The following BLTP3B variants were observed in gnomAD, a reference collection of about 807,000 sequenced individuals.
BLTP3B encodes bridge-like lipid transfer protein family member 3B, also known as UHRF1 (ICBP90) binding protein 1-like.
At chr12:100,056,270 C>T in the BLTP3B span, among the ~76,000 whole-genome samples, 8 of 152,160 alleles carry the variant, frequency 5.3e-5, no homozygotes, top group South Asian at 2.1e-4. Flanking sequence ...CAAAATGCAA[C>T]GCTTACAATT....
the BLTP3B span, among the ~76,000 whole-genome samples, chr12:100,111,383 G>A: frequency 1.5e-5 from 2 of 136,320 alleles, no homozygotes; most frequent in Non-Finnish European, 1.5e-5. Context: ...AACCACGACC[G>A]CCTGGACTCA....
chr12:100,124,490 A>C, the BLTP3B span, among the ~76,000 whole-genome samples: 10 of 151,386 alleles, frequency 6.6e-5, no homozygotes, highest in Non-Finnish European at 1.3e-4. Flanking sequence ...CACGCCTGTG[A>C]TCCCAGCACT....
chr12:100,066,717 T>C, the BLTP3B span, among the ~76,000 whole-genome samples: 2 of 150,520 alleles, frequency 1.3e-5, no homozygotes, highest in Non-Finnish European at 2.9e-5. Context: ...AGCAGGAGAA[T>C]GGCGTGAACC....
chr12:100,044,128 T>C, the BLTP3B span, among the ~76,000 whole-genome samples: 41 of 152,294 alleles, frequency 2.7e-4, no homozygotes, highest in Admixed American at 5.2e-4. Flanking sequence ...CCTGAATTTT[T>C]GGGAGCTAAC....
At chr12:100,050,462 G>A in the BLTP3B span, 118 of 651,146 alleles carry the variant, frequency 1.8e-4, no homozygotes, top group African/African-American at 8.7e-4. Context: ...TACAGAACAC[G>A]GTTGTTACAT....
chr12:100,052,199 C>T, the BLTP3B span, among the ~76,000 whole-genome samples: 1 of 151,916 alleles, frequency 6.6e-6, no homozygotes, highest in African/African-American at 2.4e-5. Flanking sequence ...CACGCCACCA[C>T]GCCTGGCTAA....
chr12:100,128,835 A>C, the BLTP3B span: 8 of 975,522 alleles, frequency 8.2e-6, no homozygotes, highest in Non-Finnish European at 8.9e-6. Flanking sequence ...TGGAAAAAAA[A>C]AACAGTTGCA....
chr12:100,058,011 C>T, the BLTP3B span: 1 of 1,539,554 alleles, frequency 6.5e-7, no homozygotes, highest in South Asian at 1.3e-5. Context: ...TTTAAAAAGG[C>T]CAATAAAATG....
At chr12:100,140,722 AAAAAAAAAT>A in the BLTP3B span, among the ~76,000 whole-genome samples, 1 of 114,852 alleles carries the variant, frequency 8.7e-6, no homozygotes, top group Non-Finnish European at 1.8e-5. Flanking sequence ...AAAAAAAAAA[AAAAAAAAAT>A]ATATATATAT....
chr12:100,054,292 C>T, the BLTP3B span, among the ~76,000 whole-genome samples: 1 of 152,012 alleles, frequency 6.6e-6, no homozygotes, highest in Non-Finnish European at 1.5e-5. Flanking sequence ...AAGCCAAATA[C>T]ATAATATGAC....
At chr12:100,080,734 T>C in the BLTP3B span, among the ~76,000 whole-genome samples, 1 of 150,676 alleles carries the variant, frequency 6.6e-6, no homozygotes, top group East Asian at 1.9e-4. Flanking sequence ...GACTTCTGAG[T>C]TAATGGTGAA....
the BLTP3B span, chr12:100,084,518 G>A: frequency 1.2e-6 from 2 of 1,613,908 alleles, no homozygotes; most frequent in African/African-American, 2.7e-5. Context: ...GGGGATTTAG[G>A]AGGTGAACCT....
chr12:100,140,723 A>ATATATATATCT, the BLTP3B span, among the ~76,000 whole-genome samples: 3 of 97,982 alleles, frequency 3.1e-5, no homozygotes, highest in African/African-American at 1.6e-4. Flanking sequence ...AAAAAAAAAA[A>ATATATATATCT]AAAAAAATAT....
chr12:100,083,459 T>C, the BLTP3B span, among the ~76,000 whole-genome samples: 2 of 152,054 alleles, frequency 1.3e-5, no homozygotes, highest in Non-Finnish European at 2.9e-5. Context: ...AGACAATGGG[T>C]GATTAGTGAA....
chr12:100,141,086 G>A, the BLTP3B span, among the ~76,000 whole-genome samples: 2 of 151,782 alleles, frequency 1.3e-5, no homozygotes, highest in African/African-American at 4.8e-5. Context: ...AAGGCGGGAG[G>A]ACATAAATTA....
At chr12:100,090,700 TGTAAAAC>T in the BLTP3B span, among the ~76,000 whole-genome samples, 1 of 152,140 alleles carries the variant, frequency 6.6e-6, no homozygotes, top group African/African-American at 2.4e-5. Flanking sequence ...GAAATATAGC[TGTAAAAC>T]GTTAAATACT....
the BLTP3B span, among the ~76,000 whole-genome samples, chr12:100,075,931 C>A: frequency 6.6e-6 from 1 of 151,934 alleles, no homozygotes; most frequent in African/African-American, 2.4e-5. Flanking sequence ...AAAAAGGGAA[C>A]AACAGACACT....
chr12:100,130,953 T>TACATAC, the BLTP3B span, among the ~76,000 whole-genome samples: 3 of 95,084 alleles, frequency 3.2e-5, no homozygotes, highest in African/African-American at 2.3e-4. Context: ...TACATACATA[T>TACATAC]ATATATATAG....
chr12:100,116,325 G>A, the BLTP3B span, among the ~76,000 whole-genome samples: 25 of 151,422 alleles, frequency 1.7e-4, no homozygotes, highest in Admixed American at 1.6e-3. Flanking sequence ...ATAGTGGCAG[G>A]GGCCCGTAGT....
Sources: gnomAD v4.1 joint callset for allele counts (sites outside exome capture counted in the v4.1 genomes callset) on GRCh38, gnomAD v4.1.1 for gene constraint, MANE v1.5 for transcripts, NCBI Gene and HGNC (gene_info 2026-07-23, HGNC 2026-07-21) for gene names.